The following SDK1 variants were observed in gnomAD, a reference collection of about 807,000 sequenced individuals.
SDK1 encodes the protein sidekick cell adhesion molecule 1.
SDK1 carries 157 observed loss-of-function variants against 245.5 expected under a neutral mutation model. That is an observed-to-expected ratio of 0.64 (90% CI 0.56 to 0.73). SDK1 has a LOEUF of 0.73. SDK1 is among the 30% of genes least tolerant of loss of function. SDK1 has a pLI of 0.00. For missense variants in SDK1, 3,583 were observed against 3,002.3 expected (o/e 1.19, Z -4.52); for synonymous variants, 1,647 against 1,278.5 (o/e 1.29, Z -6.15).
intron 1 of SDK1, among the ~76,000 whole-genome samples, chr7:3,573,524 A>G (rs1780183227): frequency 6.6e-6 from 1 of 152,112 alleles, no homozygotes; most frequent in African/African-American, 2.4e-5. Context: ...GAGAAACAAC[A>G]GCCTCCACGT....
intron 1 of SDK1, among the ~76,000 whole-genome samples, chr7:3,604,124 G>A (rs1002689856): frequency 2.0e-5 from 3 of 152,174 alleles, no homozygotes; most frequent in South Asian, 2.1e-4. Context: ...TGTTCATCAA[G>A]GCTATTGGTC....
chr7:3,413,775 GC>G (rs763649950), intron 1 of SDK1, among the ~76,000 whole-genome samples: 8 of 152,154 alleles, frequency 5.3e-5, no homozygotes, highest in Admixed American at 1.3e-4. Context: ...ATCACTTGAG[GC>G]CAGGAGTTTG....
intron 5 of SDK1, among the ~76,000 whole-genome samples, chr7:3,924,699 A>G (rs1455254374): frequency 6.6e-6 from 1 of 152,144 alleles, no homozygotes; most frequent in Non-Finnish European, 1.5e-5. Context: ...CCCATCCCTC[A>G]GAGAGTTCTG....
intron 24 of SDK1, 120 bp downstream of exon 24, chr7:4,113,559 A>T (rs1584178716): frequency 6.5e-6 from 7 of 1,072,352 alleles, no homozygotes; most frequent in Admixed American, 4.8e-5. Context: ...AACTAATCTC[A>T]TCGTCAAACC....
At chr7:4,000,575 C>T (rs2128144184) in intron 14 of SDK1, among the ~76,000 whole-genome samples, 1 of 152,290 alleles carries the variant, frequency 6.6e-6, no homozygotes, top group African/African-American at 2.4e-5. Context: ...CGTCTCCACG[C>T]CGCTCTCCAT....
intron 1 of SDK1, among the ~76,000 whole-genome samples, chr7:3,551,412 G>A (rs564420043): frequency 1.2e-3 from 179 of 152,328 alleles, no homozygotes; most frequent in African/African-American, 4.1e-3. Flanking sequence ...GGAATCAGCA[G>A]CAATGTTTCT....
intron 17 of SDK1, among the ~76,000 whole-genome samples, chr7:4,022,188 C>T (rs542636045): frequency 2.0e-5 from 3 of 152,248 alleles, no homozygotes; most frequent in African/African-American, 4.8e-5. Flanking sequence ...AATTATTTGT[C>T]GGCATAATTT....
chr7:3,397,355 T>A (rs1778741638), intron 1 of SDK1, among the ~76,000 whole-genome samples: 2 of 152,018 alleles, frequency 1.3e-5, no homozygotes, highest in Non-Finnish European at 1.5e-5. Flanking sequence ...CCTTTAGTGT[T>A]TCTTGTAGAG....
intron 1 of SDK1, among the ~76,000 whole-genome samples, chr7:3,544,211 C>T (rs920819813): frequency 6.6e-6 from 1 of 152,214 alleles, no homozygotes; most frequent in Admixed American, 6.5e-5. Flanking sequence ...GAATTCTTCA[C>T]CTCCCAAAGA....
chr7:3,670,207 A>G (rs1236472246), intron 4 of SDK1, among the ~76,000 whole-genome samples: 2 of 152,114 alleles, frequency 1.3e-5, no homozygotes, highest in African/African-American at 2.4e-5. Flanking sequence ...TGATCTTGTT[A>G]CTCTGTTCCT....
At chr7:3,512,050 T>C (rs534009142) in intron 1 of SDK1, among the ~76,000 whole-genome samples, 1 of 152,002 alleles carries the variant, frequency 6.6e-6, no homozygotes, top group East Asian at 1.9e-4. Context: ...TTATGAGGTG[T>C]GTATTCATCA....
chr7:3,522,043 C>T (rs953600172), intron 1 of SDK1, among the ~76,000 whole-genome samples: 1 of 152,032 alleles, frequency 6.6e-6, no homozygotes, highest in African/African-American at 2.4e-5. Context: ...TTTAGATCAT[C>T]TTAAATCTTG....
intron 35 of SDK1, among the ~76,000 whole-genome samples, chr7:4,197,208 C>A (rs13231568): frequency 0.098 from 14,959 of 151,914 alleles, 851 homozygotes; most frequent in Middle Eastern, 0.13. Flanking sequence ...TCATGCCTGC[C>A]ATCCCAGCAC....
intron 25 of SDK1, among the ~76,000 whole-genome samples, chr7:4,121,515 TC>T (rs1395363360): frequency 1.3e-5 from 2 of 152,194 alleles, no homozygotes; most frequent in Non-Finnish European, 2.9e-5. Context: ...CCCTTCACCT[TC>T]CATCACGATT....
Position 3,622,761 on chromosome 7 carries a change from A to T in SDK1, c.458+3522A>T, listed in dbSNP as rs533705100. Among the ~76,000 whole-genome samples, 6 of 152,334 alleles carry T rather than the reference A, an allele frequency of 3.9e-5. No individual in the cohort carries two copies. In the South Asian group the frequency reaches 1.2e-3, roughly 32 times the overall value. The stretch of plus-strand genomic sequence containing the variant: ...ATTAAAATAAGCTATGTGCTTCACT[A>T]CTATGACATGGGAAACGTAAGGAGG... On this transcript the variant is annotated intron_variant, in intron 2 of 44. Coordinates refer to ENST00000404826, the MANE Select transcript of SDK1 (RefSeq NM_152744.4).
At chr7:3,806,850 C>T (rs752915185) in intron 4 of SDK1, among the ~76,000 whole-genome samples, 2 of 152,000 alleles carry the variant, frequency 1.3e-5, no homozygotes, top group Non-Finnish European at 2.9e-5. Flanking sequence ...AGTTTTTTCC[C>T]GTTTTTATTT....
intron 30 of SDK1, among the ~76,000 whole-genome samples, chr7:4,150,604 A>G (rs1780297777): frequency 6.6e-6 from 1 of 152,162 alleles, no homozygotes; most frequent in Admixed American, 6.5e-5. Context: ...CTCGTCTTCG[A>G]GGCTGCCCGT....
At chr7:3,535,895 A>C (rs1048269009) in intron 1 of SDK1, among the ~76,000 whole-genome samples, 1 of 152,206 alleles carries the variant, frequency 6.6e-6, no homozygotes, top group African/African-American at 2.4e-5. Context: ...ATTTTTTCTC[A>C]CATCTTAGAA....
chr7:3,736,447 C>G (rs58744635), intron 4 of SDK1, among the ~76,000 whole-genome samples: 18,743 of 152,042 alleles, frequency 0.12, 1,743 homozygotes, highest in African/African-American at 0.26. Flanking sequence ...CTAATTTGTT[C>G]TATTTTTAGT....
Sources: allele counts gnomAD v4.1 joint callset (sites outside exome capture counted in the v4.1 genomes callset), GRCh38; gene constraint gnomAD v4.1.1; transcripts MANE v1.5; gene names NCBI Gene and HGNC (gene_info 2026-07-23, HGNC 2026-07-21).